PANK2: variants seen among roughly 807,000 people sequenced by gnomAD.
PANK2 encodes pantothenate kinase 2, also known as pantothenate kinase 2, mitochondrial.
In PANK2, 36 loss-of-function variants were observed where a neutral mutation model predicts 43.1. The observed-to-expected ratio is 0.84, with a 90% confidence interval of 0.64 to 1.10. The LOEUF (loss-of-function observed/expected upper bound fraction) is 1.10. Among genes scored for constraint, PANK2 ranks in the 50% least tolerant of loss-of-function variants. The pLI is 0.00. For synonymous variants in PANK2, 281 were observed against 238.2 expected (o/e 1.18, Z -1.66); for missense variants, 576 against 593.3 (o/e 0.97, Z 0.30).
At chr20:3,899,868 C>G (rs762735441) in intron 1 of PANK2, among the ~76,000 whole-genome samples, 1 of 151,602 alleles carries the variant, frequency 6.6e-6, no homozygotes, top group Non-Finnish European at 1.5e-5. Context: ...CCACCATGCC[C>G]GGCTAATGTT....
intron 6 of PANK2, among the ~76,000 whole-genome samples, chr20:3,919,376 C>T (rs2090613831): frequency 6.6e-6 from 1 of 152,136 alleles, no homozygotes; most frequent in South Asian, 2.1e-4. Flanking sequence ...GAACTATCCT[C>T]TATATTTTTT....
rs1484305003 is a variant in PANK2 at position 3,925,551 on chromosome 20, T to C, written c.*2257T>C. On this transcript the variant is annotated 3_prime_UTR_variant, in exon 7 of 7. Transcript: ENST00000610179. ...GCCCGGCTCACAGCAGGGTTCTTGA[T>C]AGGCCACCAGTGAATCCCATGCCAC... The C allele has an allele frequency of 6.6e-6, 1 of 152,200 alleles. No individual in the cohort carries two copies. The highest frequency in any genetic ancestry group is 2.4e-5 in the African/African-American group (1 of 41,442). The allele number at this position is 152,200 out of a possible 1,614,324, so 9.4% of individuals were successfully genotyped here. A position where few individuals can be genotyped will look rare whatever the true frequency, so the allele number is the denominator to read the frequency against.
chr20:3,900,313 T>C (rs552898532), intron 1 of PANK2, among the ~76,000 whole-genome samples: 8 of 151,700 alleles, frequency 5.3e-5, no homozygotes, highest in African/African-American at 1.7e-4. Flanking sequence ...GGAAGGGGCG[T>C]GATTGTCTGG....
intron 1 of PANK2, among the ~76,000 whole-genome samples, chr20:3,900,446 A>C (rs530653035): frequency 6.6e-6 from 1 of 151,762 alleles, no homozygotes; most frequent in African/African-American, 2.4e-5. Context: ...TCTAGTATTC[A>C]TCTCTAGTGA....
chr20:3,917,255 A>T (rs2090576584), intron 5 of PANK2, among the ~76,000 whole-genome samples: 1 of 151,270 alleles, frequency 6.6e-6, no homozygotes, highest in South Asian at 2.1e-4. Context: ...ACTTGTCTAG[A>T]GGTAAAATGA....
chr20:3,909,238 G>A lies in PANK2; in HGVS notation c.651+960G>A, dbSNP rs533396891. Among the ~76,000 whole-genome samples, 7 of 151,900 alleles carry A rather than the reference G, an allele frequency of 4.6e-5. No homozygotes were observed. The East Asian group carries it at 1.2e-3, about 25-fold the overall frequency. On this transcript the variant is annotated intron_variant, in intron 2 of 6. Coordinates refer to ENST00000610179, the MANE Select transcript of PANK2 (RefSeq NM_001386393.1). ...TGGGATTACAGGCATGTGCCACCACGCCCGGCTAATTTTGTATTTTTAGTA... is the reference window on the plus strand; with the variant it reads ...TGGGATTACAGGCATGTGCCACCACACCCGGCTAATTTTGTATTTTTAGTA...
At chr20:3,909,415 G>A (rs1364831768) in intron 2 of PANK2, among the ~76,000 whole-genome samples, 1 of 152,002 alleles carries the variant, frequency 6.6e-6, no homozygotes, top group Non-Finnish European at 1.5e-5. Context: ...TCTTTTAGTA[G>A]AGATGGGGTT....
At chr20:3,894,608 T>G (rs1436167683) in intron 1 of PANK2, among the ~76,000 whole-genome samples, 1 of 147,154 alleles carries the variant, frequency 6.8e-6, no homozygotes, top group Admixed American at 6.8e-5. Context: ...AGACGAAGTC[T>G]TACTCTGTCG....
chr20:3,911,937 T>G (rs1372647993), intron 3 of PANK2, among the ~76,000 whole-genome samples: 1 of 152,180 alleles, frequency 6.6e-6, no homozygotes, highest in African/African-American at 2.4e-5. Context: ...TGTTTCGGCT[T>G]AAGGGTCAGA....
intron 1 of PANK2, among the ~76,000 whole-genome samples, chr20:3,901,053 ATTATTTAT>A (rs569670684): frequency 6.6e-5 from 10 of 151,512 alleles, no homozygotes; most frequent in East Asian, 1.9e-4. Context: ...TACAGGCTTT[ATTATTTAT>A]TTATTTATTT....
At chr20:3,893,931 G>GTTTTTTTTT (rs374582085) in intron 1 of PANK2, among the ~76,000 whole-genome samples, 1 of 73,176 alleles carries the variant, frequency 1.4e-5, no homozygotes, top group African/African-American at 4.1e-5. Context: ...TTTGTTTTTT[G>GTTTTTTTTT]TTTTTTTTTT....
At chr20:3,918,483 G>C (rs1428309905) in intron 5 of PANK2, among the ~76,000 whole-genome samples, 188 bp from the exon 6 acceptor site, 3 of 151,960 alleles carry the variant, frequency 2.0e-5, no homozygotes, top group Non-Finnish European at 4.4e-5. Context: ...ACATTATCTA[G>C]CATGCTTTGC....
At chr20:3,913,586 C>G (rs1437894269) in intron 4 of PANK2, among the ~76,000 whole-genome samples, 1 of 152,084 alleles carries the variant, frequency 6.6e-6, no homozygotes. Context: ...TCTGCCGCCT[C>G]AGCCTCCCAA....
intron 1 of PANK2, among the ~76,000 whole-genome samples, chr20:3,902,976 C>G (rs1375435462): frequency 9.0e-5 from 1 of 11,148 alleles, no homozygotes; most frequent in East Asian, 2.5e-3. Flanking sequence ...TGTATAGACA[C>G]ACACACACAC....
intron 1 of PANK2, among the ~76,000 whole-genome samples, chr20:3,897,948 A>G (rs1263622874): frequency 6.6e-6 from 1 of 152,112 alleles, no homozygotes; most frequent in African/African-American, 2.4e-5. Context: ...CGGAGGTTGC[A>G]GTGAGCTGAG....
At chr20:3,921,647 C>T (rs2090648972) in intron 6 of PANK2, 1 of 152,206 alleles carries the variant, frequency 6.6e-6, no homozygotes, top group Non-Finnish European at 1.5e-5. Flanking sequence ...CCTCACATCA[C>T]AGATTGGTGT....
rs567623301 is a variant in PANK2 at position 3,921,344 on chromosome 20, A to G, written c.1333-1900A>G. ...TTGCCCTCACATTGAAGTCACTTTA[A>G]CTTTTGTTGTGAAAGCTTCGTATAG... On this transcript the variant is annotated intron_variant, in intron 6 of 6. Coordinates refer to ENST00000610179, the MANE Select transcript of PANK2 (RefSeq NM_001386393.1). 2.0e-5 allele frequency: 3 copies of G among 152,130 alleles called. No individual in the cohort carries two copies. In the South Asian group the frequency reaches 6.2e-4, roughly 32 times the overall value. 9.4% of individuals were successfully genotyped at this position (152,130 alleles called of 1,614,324 possible). A position where few individuals can be genotyped will look rare whatever the true frequency, so the allele number is the denominator to read the frequency against.
At chr20:3,913,722 A>G (rs2090506577) in intron 4 of PANK2, among the ~76,000 whole-genome samples, 1 of 151,270 alleles carries the variant, frequency 6.6e-6, no homozygotes, top group Admixed American at 6.6e-5. Flanking sequence ...TTTTTTGGTT[A>G]TAATGTTGAA....
In PANK2 at chr20:3,910,876, G is replaced by A. The variant is rs776972200; in HGVS notation, c.905+46G>A. On this transcript the variant is annotated intron_variant, in intron 3 of 6. Coordinates refer to ENST00000610179, the MANE Select transcript of PANK2 (RefSeq NM_001386393.1). ...ACTGTTTATTCTTAGTATCCTAACG[G>A]GCTGAGTTTTCAGGTATTACATGTA... 3.1e-6 allele frequency: 5 copies of A among 1,610,488 alleles called. No homozygotes were observed. The South Asian group carries it at 3.3e-5, about 11-fold the overall frequency.
Sources: allele counts gnomAD v4.1 joint callset (sites outside exome capture counted in the v4.1 genomes callset), GRCh38; gene constraint gnomAD v4.1.1; transcripts MANE v1.5; gene names NCBI Gene and HGNC (gene_info 2026-07-23, HGNC 2026-07-21).